The following ARHGEF4 variants were observed in gnomAD, a reference collection of about 807,000 sequenced individuals.
ARHGEF4 encodes the protein Rho guanine nucleotide exchange factor 4.
A neutral mutation model predicts 162.0 loss-of-function variants in ARHGEF4; 119 were observed. That is an observed-to-expected ratio of 0.73 (90% CI 0.63 to 0.86). The LOEUF (loss-of-function observed/expected upper bound fraction) is 0.86, where lower values mean the gene tolerates loss of function less well. ARHGEF4 is among the 40% of genes least tolerant of loss of function. The pLI is 0.00. For missense variants in ARHGEF4, 2,488 were observed against 2,456.0 expected, an observed-to-expected ratio of 1.01 and a Z score of -0.28; for synonymous variants, 1,014 against 979.9, an observed-to-expected ratio of 1.03 and a Z score of -0.65.
At chr2:131,042,746 T>C (rs968794351) in intron 10 of ARHGEF4, among the ~76,000 whole-genome samples, 3 of 152,016 alleles carry the variant, frequency 2.0e-5, no homozygotes, top group Non-Finnish European at 4.4e-5. Flanking sequence ...CCCTCCAGAG[T>C]CACTCATCCC....
At chr2:130,941,709 A>G (rs112107850) in intron 3 of ARHGEF4, among the ~76,000 whole-genome samples, 22 of 152,300 alleles carry the variant, frequency 1.4e-4, no homozygotes, top group African/African-American at 5.1e-4. Flanking sequence ...TATATTTACT[A>G]TTTACTCACT....
At chr2:130,988,897 T>TAG (rs1194203957) in intron 4 of ARHGEF4, among the ~76,000 whole-genome samples, 414 of 111,376 alleles carry the variant, frequency 3.7e-3, no homozygotes, top group South Asian at 5.6e-3. Context: ...TATATATATA[T>TAG]ATATAGAGAG....
chr2:130,841,272 G>T (rs1680588122), intron 1 of ARHGEF4, among the ~76,000 whole-genome samples: 2 of 151,884 alleles, frequency 1.3e-5, no homozygotes, highest in Non-Finnish European at 2.9e-5. Flanking sequence ...CGCTATGCTG[G>T]CCAGGCTGGT....
chr2:130,908,604 AGGT>A (rs1451754143), intron 1 of ARHGEF4, among the ~76,000 whole-genome samples: 5 of 152,076 alleles, frequency 3.3e-5, no homozygotes, highest in Non-Finnish European at 7.4e-5. Context: ...TGAACCCGGG[AGGT>A]GGACGTTGGA....
intron 1 of ARHGEF4, among the ~76,000 whole-genome samples, chr2:130,867,240 TTA>T (rs377291028): frequency 0.014 from 2,172 of 150,142 alleles, 50 homozygotes; most frequent in African/African-American, 0.05. Flanking sequence ...ATTATTATTA[TTA>T]TTTTTTTTTT....
chr2:130,894,094 A>C (rs1680018615), intron 1 of ARHGEF4, among the ~76,000 whole-genome samples: 1 of 152,198 alleles, frequency 6.6e-6, no homozygotes. Context: ...ACAGTTTCAG[A>C]ATTTTGAACC....
chr2:131,006,666 A>G (rs1688131251), intron 4 of ARHGEF4, among the ~76,000 whole-genome samples: 2 of 152,166 alleles, frequency 1.3e-5, no homozygotes, highest in African/African-American at 2.4e-5. Context: ...GGCATCTTTT[A>G]TGCTTTTGGG....
intron 1 of ARHGEF4, among the ~76,000 whole-genome samples, chr2:130,879,174 G>C (rs910501519): frequency 2.0e-5 from 3 of 152,160 alleles, no homozygotes; most frequent in Non-Finnish European, 2.9e-5. Flanking sequence ...GGTTGCTTAG[G>C]GACACTAACT....
At chr2:130,901,155 A>G (rs1432845017) in intron 1 of ARHGEF4, among the ~76,000 whole-genome samples, 3 of 152,120 alleles carry the variant, frequency 2.0e-5, no homozygotes, top group Non-Finnish European at 4.4e-5. Context: ...GGAGCTGCAG[A>G]GTCTGGGTGG....
intron 1 of ARHGEF4, among the ~76,000 whole-genome samples, chr2:130,903,193 A>AT (rs758242843): frequency 5.4e-5 from 8 of 148,550 alleles, no homozygotes; most frequent in Non-Finnish European, 1.0e-4. Flanking sequence ...TTGTCAGATA[A>AT]TGCTAACATC....
At chr2:130,907,152 C>G (rs1680863825) in intron 1 of ARHGEF4, among the ~76,000 whole-genome samples, 2 of 151,046 alleles carry the variant, frequency 1.3e-5, no homozygotes, top group Admixed American at 1.3e-4. Context: ...GCTTCTTTCA[C>G]TTAGCAAAAT....
At chr2:130,913,239 G>A (rs982927092) in intron 1 of ARHGEF4, among the ~76,000 whole-genome samples, 3 of 152,180 alleles carry the variant, frequency 2.0e-5, no homozygotes, top group Non-Finnish European at 4.4e-5. Flanking sequence ...GGGAGGGGCA[G>A]GGCCTTTTTG....
Position 131,011,961 on chromosome 2 carries a change from T to C in ARHGEF4, c.3986-15984T>C, listed in dbSNP as rs144695898. ...TGGATTCTGGATAATAAAGTAAAGG[T>C]AGGGCTAGCTGATGGACTTGATGAT... On this transcript the variant is annotated intron_variant, in intron 4 of 13. Transcript: ENST00000409359. 859 of 697,740 alleles carry C rather than the reference T, an allele frequency of 1.2e-3. 3 individuals are homozygous for C. The African/African-American group carries it at 0.012, about 10-fold the overall frequency. 43.2% of individuals were successfully genotyped at this position (697,740 alleles called of 1,614,324 possible).
At chr2:130,997,364 G>A (rs1313139204) in intron 4 of ARHGEF4, among the ~76,000 whole-genome samples, 1 of 152,174 alleles carries the variant, frequency 6.6e-6, no homozygotes, top group African/African-American at 2.4e-5. Context: ...TGATGCTTTT[G>A]TTATGTATTT....
At chr2:130,940,502 A>G (rs1683220831) in intron 3 of ARHGEF4, among the ~76,000 whole-genome samples, 1 of 151,462 alleles carries the variant, frequency 6.6e-6, no homozygotes, top group Non-Finnish European at 1.5e-5. Flanking sequence ...TCACCATGTT[A>G]GCCAGGATGG....
At chr2:130,909,020 C>T (rs1681013499) in intron 1 of ARHGEF4, among the ~76,000 whole-genome samples, 1 of 152,162 alleles carries the variant, frequency 6.6e-6, no homozygotes, top group Non-Finnish European at 1.5e-5. Context: ...ATGAACAAGG[C>T]TGGTGGTACC....
At chr2:130,853,631 C>G (rs991303907) in intron 1 of ARHGEF4, among the ~76,000 whole-genome samples, 1 of 152,174 alleles carries the variant, frequency 6.6e-6, no homozygotes, top group African/African-American at 2.4e-5. Context: ...CTGTGCACAT[C>G]GGTGTCCAGG....
At chr2:130,937,913 C>T (rs564620599) in intron 3 of ARHGEF4, among the ~76,000 whole-genome samples, 26 of 152,124 alleles carry the variant, frequency 1.7e-4, no homozygotes, top group African/African-American at 4.6e-4. Context: ...GTGATCTGGC[C>T]GCCTCGGCCT....
intron 1 of ARHGEF4, among the ~76,000 whole-genome samples, chr2:130,847,835 C>T (rs113448370): frequency 0.01 from 1,558 of 152,362 alleles, 35 homozygotes; most frequent in African/African-American, 0.035. Flanking sequence ...AAGGCCCATC[C>T]GTGTGCTGGC....
Sources: gnomAD v4.1 joint callset for allele counts (sites outside exome capture counted in the v4.1 genomes callset) on GRCh38, gnomAD v4.1.1 for gene constraint, MANE v1.5 for transcripts, NCBI Gene and HGNC (gene_info 2026-07-23, HGNC 2026-07-21) for gene names.